HBP1: variants seen among roughly 807,000 people sequenced by gnomAD.
The protein encoded by HBP1 is HMG-box transcription factor 1, also known as HMG box-containing protein 1.
Under a neutral mutation model 62.6 loss-of-function variants are expected in HBP1, and 20 were observed. That is an observed-to-expected ratio of 0.32 (90% CI 0.22 to 0.46). HBP1 has a LOEUF of 0.46. Among genes scored for constraint, HBP1 ranks in the 20% least tolerant of loss-of-function variants. The pLI is 1.00. For synonymous variants in HBP1, 232 were observed against 206.2 expected (o/e 1.12, Z -1.07); for missense variants, 480 against 611.8 (o/e 0.78, Z 2.27).
At chr7:107,189,982 G>A (rs1797571072) in intron 7 of HBP1, 191 bp from the exon 8 acceptor site, 1 of 444,424 alleles carries the variant, frequency 2.3e-6, no homozygotes, top group African/African-American at 2.0e-5. Flanking sequence ...GCTAGTTTTG[G>A]AGGGCTTTTA....
At chr7:107,191,588 G>A (rs553079944) in intron 8 of HBP1, among the ~76,000 whole-genome samples, 1 of 152,272 alleles carries the variant, frequency 6.6e-6, no homozygotes, top group African/African-American at 2.4e-5. Context: ...TGTGGAAACA[G>A]TATCAATACT....
chr7:107,174,649 T>G (rs1043932914), intron 1 of HBP1: 13 of 984,392 alleles, frequency 1.3e-5, no homozygotes, highest in Non-Finnish European at 1.4e-5. Context: ...ACTGCAGCTG[T>G]GCTTCTGTGG....
chr7:107,186,558 C>T lies in HBP1; in HGVS notation c.653-11C>T. On this transcript the variant is annotated splice_polypyrimidine_tract_variant and intron_variant, in intron 5 of 10. Transcript: ENST00000222574. ...CACGTGTCTAATACGTGTTTTCTAC[C>T]TAAACCTTAGGCACACGACTGTGCT... The T allele has an allele frequency of 2.5e-6, 4 of 1,597,378 alleles. No individual in the cohort carries two copies. Among genetic ancestry groups the T allele is most frequent in the Middle Eastern group, 1.7e-4 (1 of 6,030 alleles).
intron 1 of HBP1, chr7:107,174,580 T>C: frequency 1.0e-6 from 1 of 985,468 alleles, no homozygotes; most frequent in Non-Finnish European, 1.2e-6. Context: ...AAAAAAGTTC[T>C]AGCTGGAAAG....
chr7:107,186,397 T>C lies in HBP1; in HGVS notation c.577T>C (p.Ser193Pro). 6.2e-7 allele frequency: 1 copy of C among 1,612,720 alleles called. No homozygotes were observed. The stretch of plus-strand genomic sequence containing the variant: ...GTCAGAATCTGGCATTTTCTGCATG[T>C]CCTCCCTGTCAGATGATGATGATTT... ...SESESGIFCM[S>P]SLSDDDDLGW... The change falls in exon 5 of 11, where the codon TCC (serine) becomes CCC (proline). Residue 193 changes from serine (S) to proline (P), a missense_variant. Physicochemically the swap from Ser to Pro is moderately conservative, Grantham distance 74. Around this residue, in one of 4 missense-constraint regions of HBP1, gnomAD observed 304 missense variants for 330.9 expected, o/e 0.92. Transcript: ENST00000222574.
chr7:107,171,521 A>C (rs1796594664), intron 1 of HBP1, among the ~76,000 whole-genome samples: 1 of 152,028 alleles, frequency 6.6e-6, no homozygotes, highest in African/African-American at 2.4e-5. Context: ...TATGTGTTTG[A>C]AATAAAAATA....
intron 1 of HBP1, among the ~76,000 whole-genome samples, chr7:107,179,362 T>C (rs1010515488): frequency 6.6e-6 from 1 of 152,234 alleles, no homozygotes. Context: ...ATTAATCTTT[T>C]GGGATTGAAA....
chr7:107,170,990 TA>T (rs1187702729), intron 1 of HBP1, among the ~76,000 whole-genome samples: 7 of 141,846 alleles, frequency 4.9e-5, no homozygotes, highest in South Asian at 4.3e-4. Flanking sequence ...TGTATATATA[TA>T]AAATATATAA....
intron 6 of HBP1, among the ~76,000 whole-genome samples, chr7:107,188,503 A>G (rs1797495725): frequency 1.3e-5 from 2 of 152,184 alleles, no homozygotes; most frequent in South Asian, 4.1e-4. Flanking sequence ...TACTATAGCA[A>G]GCTTTTGGCG....
At chr7:107,175,606 C>G (rs1796798410) in intron 1 of HBP1, among the ~76,000 whole-genome samples, 1 of 152,118 alleles carries the variant, frequency 6.6e-6, no homozygotes, top group Non-Finnish European at 1.5e-5. Context: ...CACACAAGGC[C>G]ATCCTACTTT....
At chr7:107,187,130 G>A (rs1797422092) in intron 6 of HBP1, among the ~76,000 whole-genome samples, 1 of 152,064 alleles carries the variant, frequency 6.6e-6, no homozygotes, top group Non-Finnish European at 1.5e-5. Context: ...GTGGGCGCCT[G>A]TAGTCCCAAC....
At chr7:107,189,553 C>A in intron 7 of HBP1, 105 bp downstream of exon 7, 1 of 796,102 alleles carries the variant, frequency 1.3e-6, no homozygotes, top group East Asian at 2.6e-5. Flanking sequence ...GAGGGGAAAA[C>A]GTCTTTCAAA....
At chr7:107,171,551 C>G (rs1796596547) in intron 1 of HBP1, among the ~76,000 whole-genome samples, 1 of 151,954 alleles carries the variant, frequency 6.6e-6, no homozygotes, top group Admixed American at 6.6e-5. Flanking sequence ...CCCTTTCCAC[C>G]CCACGCATAC....
At chr7:107,201,286 A>G in intron 10 of HBP1, 128 bp from the exon 11 acceptor site, 1 of 514,580 alleles carries the variant, frequency 1.9e-6, no homozygotes, top group Non-Finnish European at 3.5e-6. Flanking sequence ...GCTTTTTAAA[A>G]TCACCTTTAA....
chr7:107,190,422 T>C (rs1797594603), intron 8 of HBP1, 105 bp downstream of exon 8: 1 of 697,570 alleles, frequency 1.4e-6, no homozygotes. Context: ...CTTTAAAGAT[T>C]TGAGAATTAT....
chr7:107,172,594 G>T (rs1296676067), intron 1 of HBP1, among the ~76,000 whole-genome samples: 1 of 152,014 alleles, frequency 6.6e-6, no homozygotes, highest in Non-Finnish European at 1.5e-5. Context: ...GCTATTAATG[G>T]GTTTTCTATT....
Position 107,179,844 on chromosome 7 carries a change from T to C in HBP1, c.-15-35T>C, listed in dbSNP as rs375863455. 129 of 1,437,332 alleles carry C rather than the reference T, an allele frequency of 9.0e-5. No individual in the cohort carries two copies. The African/African-American group carries it at 1.6e-3, about 18-fold the overall frequency. 89.0% of individuals were successfully genotyped at this position (1,437,332 alleles called of 1,614,324 possible). The stretch of plus-strand genomic sequence containing the variant: ...TTGTGTACTGCCCAAATTGCATGGC[T>C]TGACATCATTTCTTAATGTCGTTTT... On this transcript the variant is annotated intron_variant, in intron 1 of 10. Coordinates refer to ENST00000222574, the MANE Select transcript of HBP1 (RefSeq NM_012257.4).
At chr7:107,196,971 C>A (rs977105737) in intron 9 of HBP1, 3 of 152,240 alleles carry the variant, frequency 2.0e-5, no homozygotes, top group Non-Finnish European at 2.9e-5. Context: ...ATTAACAGTT[C>A]TATCTTTATG....
chr7:107,176,892 C>T (rs183480158), intron 1 of HBP1, among the ~76,000 whole-genome samples: 16 of 152,188 alleles, frequency 1.1e-4, no homozygotes, highest in South Asian at 8.3e-4. Context: ...ACTGGAGAAG[C>T]GTTAATTTCT....
Sources: gnomAD v4.1 joint callset for allele counts (sites outside exome capture counted in the v4.1 genomes callset) on GRCh38, gnomAD v4.1.1 for gene constraint, gnomAD v4.1.1 regional missense constraint, MANE v1.5 for transcripts, NCBI Gene and HGNC (gene_info 2026-07-23, HGNC 2026-07-21) for gene names.